The following NRXN1 variants were observed in gnomAD, a reference collection of about 807,000 sequenced individuals.
The protein encoded by NRXN1 is neurexin-1.
In NRXN1, 39 loss-of-function variants were observed where a neutral mutation model predicts 150.9. The ratio of observed to expected loss-of-function variants is 0.26; its 90% CI spans 0.20 to 0.34. NRXN1 has a LOEUF of 0.34. NRXN1 is among the 10% of genes least tolerant of loss of function. The pLI is 1.00. For missense variants in NRXN1, 1,815 were observed against 1,949.9 expected, an observed-to-expected ratio of 0.93 and a Z score of 1.30; for synonymous variants, 924 against 757.0, an observed-to-expected ratio of 1.22 and a Z score of -3.62.
chr2:50,109,892 A>C (rs919794016), intron 18 of NRXN1, among the ~76,000 whole-genome samples: 11 of 152,216 alleles, frequency 7.2e-5, no homozygotes, highest in African/African-American at 2.4e-4. Context: ...TGTATATAAC[A>C]TACCAAAAAA....
chr2:50,554,165 T>A (rs1307268839), intron 8 of NRXN1, among the ~76,000 whole-genome samples: 1 of 152,004 alleles, frequency 6.6e-6, no homozygotes, highest in Non-Finnish European at 1.5e-5. Flanking sequence ...TATATATATA[T>A]GTATATGTAT....
At chr2:50,865,405 C>A (rs1336247000) in intron 5 of NRXN1, among the ~76,000 whole-genome samples, 1 of 151,754 alleles carries the variant, frequency 6.6e-6, no homozygotes, top group Admixed American at 6.6e-5. Flanking sequence ...GTTAAATCAT[C>A]CCAGTTTTAT....
At chr2:50,268,422 T>A (rs887075014) in intron 17 of NRXN1, among the ~76,000 whole-genome samples, 1 of 152,312 alleles carries the variant, frequency 6.6e-6, no homozygotes, top group African/African-American at 2.4e-5. Context: ...GGGGAGCACA[T>A]ACTGAATTAA....
rs141444424 is a variant in NRXN1 at position 50,787,580 on chromosome 2, A to AAAC, written c.832+134286_832+134288dup. Among the ~76,000 whole-genome samples, 122 of 151,636 alleles carry AAAC rather than the reference A, an allele frequency of 8.0e-4. 2 individuals are homozygous for AAAC. The highest frequency in any genetic ancestry group is 2.0e-3 in the African/African-American group (82 of 41,354). ...CTAAAAAAAGACAAAAAACAAAACA[A>AAAC]AACAACAACAACAACAACAACAACA... On this transcript the variant is annotated intron_variant, in intron 5 of 22. Coordinates refer to ENST00000401669, the MANE Select transcript of NRXN1 (RefSeq NM_001330078.2).
At chr2:50,312,534 C>T (rs76420276) in intron 17 of NRXN1, among the ~76,000 whole-genome samples, 4,578 of 151,812 alleles carry the variant, frequency 0.03, 225 homozygotes, top group African/African-American at 0.1. Context: ...ACATTTTCAA[C>T]GCATTTTTAT....
At chr2:51,021,116 T>C (rs1669534502) in intron 2 of NRXN1, among the ~76,000 whole-genome samples, 1 of 151,952 alleles carries the variant, frequency 6.6e-6, no homozygotes, top group Non-Finnish European at 1.5e-5. Flanking sequence ...ACAAAAAAAG[T>C]ATAAGATTTT....
intron 12 of NRXN1, among the ~76,000 whole-genome samples, chr2:50,513,795 C>T (rs529189597): frequency 6.6e-6 from 1 of 151,984 alleles, no homozygotes; most frequent in African/African-American, 2.4e-5. Context: ...GTGGATGTAG[C>T]TGTACAGAAA....
intron 17 of NRXN1, among the ~76,000 whole-genome samples, chr2:50,447,099 AT>A (rs2086482580): frequency 6.6e-6 from 1 of 152,096 alleles, no homozygotes; most frequent in African/African-American, 2.4e-5. Context: ...CAAATATCAG[AT>A]TGCATTCTGA....
intron 17 of NRXN1, among the ~76,000 whole-genome samples, chr2:50,416,775 C>T (rs1044941327): frequency 6.6e-6 from 1 of 152,054 alleles, no homozygotes; most frequent in Non-Finnish European, 1.5e-5. Context: ...AACTCACTCA[C>T]TATCAGTGGC....
intron 17 of NRXN1, among the ~76,000 whole-genome samples, chr2:50,304,888 G>C (rs1434144871): frequency 6.6e-6 from 1 of 152,062 alleles, no homozygotes; most frequent in Non-Finnish European, 1.5e-5. Flanking sequence ...TCAGGAGTTC[G>C]AGACCAGCCT....
chr2:50,249,744 T>C (rs1252861936), intron 17 of NRXN1, among the ~76,000 whole-genome samples: 1 of 151,940 alleles, frequency 6.6e-6, no homozygotes, highest in East Asian at 1.9e-4. Flanking sequence ...TTCAAGCTAT[T>C]CTCCTGCCTC....
intron 5 of NRXN1, among the ~76,000 whole-genome samples, chr2:50,719,589 T>A (rs970680785): frequency 9.2e-5 from 14 of 151,984 alleles, no homozygotes; most frequent in African/African-American, 3.1e-4. Flanking sequence ...GGCAGGAGAA[T>A]CGCTTGAACC....
At chr2:50,847,779 A>G (rs1464865888) in intron 5 of NRXN1, among the ~76,000 whole-genome samples, 1 of 152,164 alleles carries the variant, frequency 6.6e-6, no homozygotes, top group Non-Finnish European at 1.5e-5. Context: ...GCACACCGAC[A>G]GACGTCGGCA....
chr2:50,076,590 A>G (rs949896732), intron 19 of NRXN1, among the ~76,000 whole-genome samples: 1 of 152,224 alleles, frequency 6.6e-6, no homozygotes, highest in African/African-American at 2.4e-5. Flanking sequence ...GAACCCATGC[A>G]GTCTGGCTTT....
At chr2:50,209,304 G>A (rs1008983413) in intron 18 of NRXN1, among the ~76,000 whole-genome samples, 4 of 152,122 alleles carry the variant, frequency 2.6e-5, no homozygotes, top group Non-Finnish European at 4.4e-5. Context: ...ATGGCCAAAT[G>A]CCAGAGAGTC....
chr2:50,262,253 A>C (rs1320058597), intron 17 of NRXN1, among the ~76,000 whole-genome samples: 2 of 151,918 alleles, frequency 1.3e-5, no homozygotes, highest in African/African-American at 4.8e-5. Context: ...TCTATGATTA[A>C]AATTAAGACA....
chr2:50,649,251 T>TAC (rs200495160), intron 5 of NRXN1, among the ~76,000 whole-genome samples: 9 of 79,650 alleles, frequency 1.1e-4, no homozygotes, highest in South Asian at 5.3e-4. Context: ...TATACACACA[T>TAC]ACACACATAC....
intron 21 of NRXN1, among the ~76,000 whole-genome samples, chr2:50,008,101 C>T (rs982476265): frequency 6.6e-6 from 1 of 152,152 alleles, no homozygotes; most frequent in Non-Finnish European, 1.5e-5. Context: ...ATTATTTATA[C>T]ATCAAGATCC....
At chr2:50,016,885 G>A (rs973092632) in intron 21 of NRXN1, among the ~76,000 whole-genome samples, 1 of 152,148 alleles carries the variant, frequency 6.6e-6, no homozygotes, top group African/African-American at 2.4e-5. Flanking sequence ...TGAGAAGCCT[G>A]GCACTTCCTT....
Sources: gnomAD v4.1 joint callset for allele counts (sites outside exome capture counted in the v4.1 genomes callset) on GRCh38, gnomAD v4.1.1 for gene constraint, MANE v1.5 for transcripts, NCBI Gene and HGNC (gene_info 2026-07-23, HGNC 2026-07-21) for gene names.